Variants in KREMEN1 observed in about 807,000 individuals in gnomAD.
The protein encoded by KREMEN1 is kringle containing transmembrane protein 1.
Under a neutral mutation model 46.5 loss-of-function variants are expected in KREMEN1, and 30 were observed. The observed-to-expected ratio is 0.65, with a 90% CI of 0.48 to 0.88. The LOEUF (loss-of-function observed/expected upper bound fraction) is 0.88. KREMEN1 is among the 40% of genes least tolerant of loss of function. The pLI is 0.00. For missense variants in KREMEN1, 533 were observed against 596.9 expected, an observed-to-expected ratio of 0.89 and a Z score of 1.11; for synonymous variants, 214 against 230.6, an observed-to-expected ratio of 0.93 and a Z score of 0.65.
chr22:29,142,242 C>T lies in KREMEN1; in HGVS notation c.*130C>T. On this transcript the variant is annotated 3_prime_UTR_variant, in exon 9 of 9. Transcript: ENST00000400335. The stretch of plus-strand genomic sequence containing the variant: ...TCTGCCTCGGCCTCTTCGGGGAAAC[C>T]CTCCTCCTACAGACTAGGAAGAGGC... 5 of 1,380,968 alleles carry T rather than the reference C, an allele frequency of 3.6e-6. No individual in the cohort carries two copies. The highest frequency in any genetic ancestry group is 1.5e-5 in the African/African-American group (1 of 67,556). The allele number at this position is 1,380,968 out of a possible 1,614,324, so 85.5% of individuals were successfully genotyped here. A position where few individuals can be genotyped will look rare whatever the true frequency, so the allele number is the denominator to read the frequency against.
At chr22:29,133,239 C>T (rs183674713) in intron 5 of KREMEN1, among the ~76,000 whole-genome samples, 1,496 of 121,542 alleles carry the variant, frequency 0.012, 28 homozygotes, top group African/African-American at 0.041. Flanking sequence ...CAGAGCGAGA[C>T]TCCATCTCAA....
At chr22:29,116,466 G>A (rs1250786775) in intron 3 of KREMEN1, among the ~76,000 whole-genome samples, 1 of 152,198 alleles carries the variant, frequency 6.6e-6, no homozygotes, top group Non-Finnish European at 1.5e-5. Context: ...CTGATTCCCA[G>A]TGATCTACCT....
chr22:29,120,622 A>AGAAAGGAGAGGTGCTGAC (rs2038338595), intron 3 of KREMEN1, among the ~76,000 whole-genome samples: 2 of 152,004 alleles, frequency 1.3e-5, no homozygotes, highest in African/African-American at 4.8e-5. Flanking sequence ...AAGGAAACGG[A>AGAAAGGAGAGGTGCTGAC]GGAAGGAGAG....
chr22:29,122,634 C>T (rs961430971), intron 4 of KREMEN1, among the ~76,000 whole-genome samples: 6 of 151,950 alleles, frequency 3.9e-5, no homozygotes, highest in East Asian at 1.9e-4. Flanking sequence ...AGCAATAAAA[C>T]GAAGAGACAT....
chr22:29,133,023 T>G (rs994681749), intron 5 of KREMEN1, among the ~76,000 whole-genome samples: 1 of 151,740 alleles, frequency 6.6e-6, no homozygotes, highest in Non-Finnish European at 1.5e-5. Context: ...CCGAGGCGGG[T>G]GGATCACGAG....
downstream of KREMEN1, among the ~76,000 whole-genome samples, chr22:29,147,361 G>A (rs765014409): frequency 2.0e-5 from 3 of 152,142 alleles, no homozygotes; most frequent in Admixed American, 6.5e-5. Context: ...GAAGCTCCAC[G>A]TATGAGCTGC....
At chr22:29,113,473 T>C (rs1013161405) in intron 3 of KREMEN1, among the ~76,000 whole-genome samples, 1 of 152,286 alleles carries the variant, frequency 6.6e-6, no homozygotes, top group African/African-American at 2.4e-5. Context: ...TGGTGAATGA[T>C]GAAAGCCTTA....
In KREMEN1 at chr22:29,073,863, C is replaced by T. The variant is rs1310283606; in HGVS notation, c.97+636C>T. On this transcript the variant is annotated intron_variant, in intron 1 of 8. Transcript: ENST00000400335. The surrounding 1 kb of genome is among the most constrained non-coding windows in gnomAD (Gnocchi z 4.4). ...ACCTCCTGGGATCCCGCCCCAAGTC[C>T]TTCATCGACGCACCTTGCACCGGGA... Among the ~76,000 whole-genome samples the T allele has an allele frequency of 1.3e-5, 2 of 152,300 alleles. No individual in the cohort carries two copies. Among genetic ancestry groups the T allele is most frequent in the East Asian group, 1.9e-4 (1 of 5,154 alleles).
At position 29,073,650 on chromosome 22, in the gene KREMEN1, C is replaced by T. The variant is rs1171020779; in HGVS notation, c.97+423C>T. Among the ~76,000 whole-genome samples the T allele has an allele frequency of 6.6e-6, 1 of 152,070 alleles. No individual in the cohort carries two copies. The highest frequency in any genetic ancestry group is 1.5e-5 in the Non-Finnish European group (1 of 67,974). On this transcript the variant is annotated intron_variant, in intron 1 of 8. Coordinates refer to ENST00000400335, the MANE Select transcript of KREMEN1 (RefSeq NM_001039570.3). This position sits in a 1 kb window ranked among gnomAD's most constrained non-coding sequence, Gnocchi z 4.4. ...CCCCGGTACCTCCTGGGATCCCGTC[C>T]CAAGTCCCCAGCGACTTCCCCCGGG...
chr22:29,090,791 T>C (rs134653), intron 1 of KREMEN1, among the ~76,000 whole-genome samples: 1 of 151,946 alleles, frequency 6.6e-6, no homozygotes, highest in African/African-American at 2.4e-5. Context: ...GTAATTGATA[T>C]GTACTGGGCA....
At chr22:29,075,938 T>G (rs771996189) in intron 1 of KREMEN1, among the ~76,000 whole-genome samples, 1 of 152,206 alleles carries the variant, frequency 6.6e-6, no homozygotes, top group Non-Finnish European at 1.5e-5. Context: ...TACTTCTAAT[T>G]ACAATGTGTA....
At chr22:29,135,128 C>G (rs1407591000) in intron 5 of KREMEN1, among the ~76,000 whole-genome samples, 3 of 152,176 alleles carry the variant, frequency 2.0e-5, no homozygotes, top group Admixed American at 2.0e-4. Context: ...ATTTCTTGCC[C>G]TCCCTCCAGG....
intron 5 of KREMEN1, among the ~76,000 whole-genome samples, chr22:29,132,536 A>G (rs768046464): frequency 2.0e-5 from 3 of 152,188 alleles, no homozygotes; most frequent in Non-Finnish European, 4.4e-5. Context: ...AGCTACAGAT[A>G]CTTTTGTATG....
chr22:29,152,430 G>A (rs1182231621), intron 9 of KREMEN1, among the ~76,000 whole-genome samples: 1 of 152,188 alleles, frequency 6.6e-6, no homozygotes, highest in Non-Finnish European at 1.5e-5. Flanking sequence ...ACCATCAGCC[G>A]AACTCCCAGC....
intron 5 of KREMEN1, among the ~76,000 whole-genome samples, chr22:29,135,575 G>A (rs972490539): frequency 2.0e-5 from 3 of 152,204 alleles, no homozygotes; most frequent in Non-Finnish European, 2.9e-5. Flanking sequence ...GGGGGACTGT[G>A]GTCTGCTGGC....
At chr22:29,109,625 A>T (rs2038112099) in intron 3 of KREMEN1, among the ~76,000 whole-genome samples, 1 of 152,226 alleles carries the variant, frequency 6.6e-6, no homozygotes, top group Admixed American at 6.5e-5. Context: ...GTGGACAAAA[A>T]GGAACCAGGT....
At chr22:29,095,365 T>G (rs1357074505) in intron 2 of KREMEN1, among the ~76,000 whole-genome samples, 1 of 152,236 alleles carries the variant, frequency 6.6e-6, no homozygotes, top group Non-Finnish European at 1.5e-5. Context: ...GATCAGCTTC[T>G]CAAAGTTATC....
intron 1 of KREMEN1, among the ~76,000 whole-genome samples, chr22:29,092,018 G>T (rs1016794736): frequency 2.0e-5 from 3 of 152,160 alleles, no homozygotes; most frequent in African/African-American, 7.2e-5. Context: ...CATCACAGAG[G>T]CCTTGCAGAC....
intron 1 of KREMEN1, among the ~76,000 whole-genome samples, chr22:29,089,595 C>A (rs913337906): frequency 8.1e-6 from 1 of 122,780 alleles, no homozygotes; most frequent in Non-Finnish European, 1.8e-5. Flanking sequence ...AGATAAGTCA[C>A]AAAAATGAAT....
Sources: gnomAD v4.1 joint callset for allele counts (sites outside exome capture counted in the v4.1 genomes callset) on GRCh38, gnomAD v4.1.1 for gene constraint, Gnocchi (gnomAD v3.1) non-coding constraint, MANE v1.5 for transcripts, NCBI Gene and HGNC (gene_info 2026-07-23, HGNC 2026-07-21) for gene names.